KMO: variants seen among roughly 807,000 people sequenced by gnomAD.
KMO encodes the protein kynurenine 3-monooxygenase.
Under a neutral mutation model 57.8 loss-of-function variants are expected in KMO, and 24 were observed. The ratio of observed to expected loss-of-function variants is 0.42; its 90% CI spans 0.30 to 0.58. The LOEUF is 0.58. Ranked by LOEUF, KMO falls within the 20% of genes least tolerant of loss-of-function variation. The pLI is 0.22. For synonymous variants in KMO, 210 were observed against 193.6 expected, an observed-to-expected ratio of 1.08 and a Z score of -0.70; for missense variants, 483 against 588.2, an observed-to-expected ratio of 0.82 and a Z score of 1.85.
intron 5 of KMO, among the ~76,000 whole-genome samples, chr1:241,559,251 A>G (rs1334306796): frequency 6.6e-6 from 1 of 152,176 alleles, no homozygotes; most frequent in Non-Finnish European, 1.5e-5. Flanking sequence ...TCAATTTAGG[A>G]TAGCCACACT....
intron 3 of KMO, chr1:241,550,079 C>A: frequency 1.4e-5 from 3 of 218,346 alleles, no homozygotes; most frequent in Non-Finnish European, 1.8e-5. Context: ...AGCCAGATTC[C>A]TTTTTTTTTT....
intron 2 of KMO, among the ~76,000 whole-genome samples, chr1:241,549,344 GAA>G (rs1214697664): frequency 1.3e-5 from 2 of 151,652 alleles, no homozygotes; most frequent in African/African-American, 2.4e-5. Flanking sequence ...TGAAAAGAAA[GAA>G]AGAAAGATAG....
intron 11 of KMO, among the ~76,000 whole-genome samples, chr1:241,587,468 T>C (rs191259701): frequency 6.6e-6 from 1 of 151,268 alleles, no homozygotes; most frequent in African/African-American, 2.4e-5. Context: ...ATCTAATACT[T>C]TTTTTTTTGA....
intron 11 of KMO, 114 bp from the exon 12 acceptor site, chr1:241,588,634 G>A: frequency 1.5e-6 from 1 of 657,948 alleles, no homozygotes; most frequent in Admixed American, 2.5e-5. Context: ...GTTATTTATA[G>A]TTTAAAAAAA....
intron 8 of KMO, 58 bp downstream of exon 8, chr1:241,565,116 A>G (rs1662027497): frequency 1.0e-6 from 1 of 990,372 alleles, no homozygotes; most frequent in African/African-American, 1.6e-5. Context: ...GTTGTTTATT[A>G]CTTACATTTG....
intron 2 of KMO, among the ~76,000 whole-genome samples, chr1:241,549,172 G>T (rs562575643): frequency 6.8e-6 from 1 of 147,122 alleles, no homozygotes; most frequent in African/African-American, 2.5e-5. Context: ...CAAAGAAAGA[G>T]AGAGAAAGAG....
In KMO at chr1:241,551,007, GA is replaced by G; in HGVS notation, c.281del (p.Lys94SerfsTer16). The G allele has an allele frequency of 3.2e-6, 5 of 1,564,416 alleles. No individual in the cohort carries two copies. Among genetic ancestry groups the G allele is most frequent in the Admixed American group, 4.1e-5 (2 of 49,344 alleles). On this transcript the variant is annotated frameshift_variant, in exon 4 of 15. Transcript: ENST00000366559. LOFTEE classifies it high-confidence loss of function. ...MRARMIHSLS[G>X]KKSAIPYGTK... ...GCAAGAATGATCCACTCTCTTTCAGGAAAAAAGTCTGCAATTCCCTATGGGA... is the reference window on the plus strand; with the variant it reads ...GCAAGAATGATCCACTCTCTTTCAGGAAAAAGTCTGCAATTCCCTATGGGA...
In KMO at chr1:241,594,738, C is replaced by T; in HGVS notation, c.*2585C>T. On this transcript the variant is annotated 3_prime_UTR_variant, in exon 15 of 15. Coordinates refer to ENST00000366559, the MANE Select transcript of KMO (RefSeq NM_003679.5). ...TGGAATATTAAGTAAAAGTTGGGCA[C>T]TAATCTGGATTAACATTCGAGGAAA... 1.3e-6 allele frequency: 2 copies of T among 1,587,550 alleles called. No homozygotes were observed. Among genetic ancestry groups the T allele is most frequent in the South Asian group, 2.3e-5 (2 of 86,546 alleles).
At chr1:241,558,038 G>A (rs180927495) in intron 5 of KMO, among the ~76,000 whole-genome samples, 27 of 152,254 alleles carry the variant, frequency 1.8e-4, no homozygotes, top group Admixed American at 5.2e-4. Flanking sequence ...TTTTATTTCC[G>A]TTTTATAGAT....
intron 5 of KMO, among the ~76,000 whole-genome samples, chr1:241,559,691 A>G (rs1226458678): frequency 6.6e-6 from 1 of 152,218 alleles, no homozygotes; most frequent in Non-Finnish European, 1.5e-5. Flanking sequence ...AAGTACAGGC[A>G]GGAATAGAAC....
At chr1:241,543,329 ACTT>A (rs1661022533) in intron 1 of KMO, among the ~76,000 whole-genome samples, 1 of 152,142 alleles carries the variant, frequency 6.6e-6, no homozygotes, top group Non-Finnish European at 1.5e-5. Flanking sequence ...TATGAATACT[ACTT>A]ATGTGTTTCA....
At chr1:241,559,786 G>T (rs940923303) in intron 5 of KMO, among the ~76,000 whole-genome samples, 1 of 152,040 alleles carries the variant, frequency 6.6e-6, no homozygotes, top group African/African-American at 2.4e-5. Flanking sequence ...CATAATTAAT[G>T]TGTACAACTT....
intron 7 of KMO, among the ~76,000 whole-genome samples, chr1:241,564,684 T>C (rs1439704487): frequency 6.6e-6 from 1 of 150,714 alleles, no homozygotes; most frequent in Non-Finnish European, 1.5e-5. Flanking sequence ...ATACCAGCTA[T>C]GATTCAAGAT....
At chr1:241,546,365 C>T (rs1661149094) in intron 1 of KMO, among the ~76,000 whole-genome samples, 1 of 152,170 alleles carries the variant, frequency 6.6e-6, no homozygotes, top group South Asian at 2.1e-4. Flanking sequence ...GCCAGGTCAT[C>T]TCTCTGCGTC....
rs1663440528 is a variant in KMO, at chr1:241,594,596, G to A, written c.*2443G>A. 1 of 1,614,014 alleles carries A rather than the reference G, an allele frequency of 6.2e-7. No individual in the cohort carries two copies. The highest frequency in any genetic ancestry group is 8.5e-7 in the Non-Finnish European group (1 of 1,180,006). ...CTTTCTGTGACATCACAATGGGTCT[G>A]ATCTGCATTTCACTTCCAGCTGCTG... On this transcript the variant is annotated 3_prime_UTR_variant, in exon 15 of 15. Transcript: ENST00000366559.
intron 11 of KMO, 96 bp from the exon 12 acceptor site, chr1:241,588,652 G>C: frequency 3.9e-6 from 3 of 760,482 alleles, no homozygotes; most frequent in Non-Finnish European, 6.7e-6. Flanking sequence ...AAATTAGCGA[G>C]AGCATTGGTA....
At chr1:241,536,730 A>T (rs1412656413) in intron 1 of KMO, among the ~76,000 whole-genome samples, 2 of 151,434 alleles carry the variant, frequency 1.3e-5, no homozygotes, top group African/African-American at 4.9e-5. Context: ...TTTGTGATCT[A>T]CTCTCCCTAT....
chr1:241,547,881 C>A (rs1385999127), intron 1 of KMO, among the ~76,000 whole-genome samples: 1 of 152,152 alleles, frequency 6.6e-6, no homozygotes, highest in Non-Finnish European at 1.5e-5. Flanking sequence ...TGCACACACA[C>A]ACAAATGTTA....
chr1:241,557,495 G>A (rs1389171938), intron 5 of KMO, among the ~76,000 whole-genome samples: 1 of 152,218 alleles, frequency 6.6e-6, no homozygotes, highest in Non-Finnish European at 1.5e-5. Flanking sequence ...ATTCAACTGG[G>A]AGGAGGAGGC....
Sources: allele counts gnomAD v4.1 joint callset (sites outside exome capture counted in the v4.1 genomes callset), GRCh38; gene constraint gnomAD v4.1.1; transcripts MANE v1.5; gene names NCBI Gene and HGNC (gene_info 2026-07-23, HGNC 2026-07-21).